The following CEP131 variants were observed in gnomAD, a reference collection of about 807,000 sequenced individuals.
The protein encoded by CEP131 is centrosomal protein of 131 kDa.
CEP131 carries 99 observed loss-of-function variants against 136.8 expected under a neutral mutation model. The observed-to-expected ratio is 0.72, with a 90% CI of 0.62 to 0.86. The LOEUF (loss-of-function observed/expected upper bound fraction) is 0.86. CEP131 is among the 40% of genes least tolerant of loss of function. The pLI is 0.00. For missense variants in CEP131, 1,459 were observed against 1,463.0 expected, an observed-to-expected ratio of 1.00 and a Z score of 0.04; for synonymous variants, 646 against 612.7, an observed-to-expected ratio of 1.05 and a Z score of -0.80.
intron 2 of CEP131, among the ~76,000 whole-genome samples, chr17:81,213,459 T>C (rs1455275013): frequency 1.3e-5 from 2 of 151,632 alleles, no homozygotes; most frequent in African/African-American, 2.4e-5. Flanking sequence ...CTCAGGAGGC[T>C]GAGATAGGAA....
At chr17:81,220,959 C>T (rs1321722098) in intron 1 of CEP131, among the ~76,000 whole-genome samples, 1 of 151,412 alleles carries the variant, frequency 6.6e-6, no homozygotes, top group Non-Finnish European at 1.5e-5. Flanking sequence ...CCCACCTCTA[C>T]TAAAAACTTC....
At chr17:81,210,892 A>G (rs963784140) in intron 2 of CEP131, among the ~76,000 whole-genome samples, 7 of 151,870 alleles carry the variant, frequency 4.6e-5, no homozygotes, top group Non-Finnish European at 1.0e-4. Flanking sequence ...GGACACCCCA[A>G]TCACTTGTTA....
In CEP131 at chr17:81,197,826, G is replaced by A. The variant is rs139968262; in HGVS notation, c.1533C>T (p.Phe511=). ...GCGTCCCATCCTCAGGAGGTTCGGG[G>A]AACGCACTGAGTTTTCCAAATTTCT... ...NLEKFGKLSA[F]PEPPEDGTLL... The change falls in exon 13 of 26, where the codon TTC becomes TTT. Residue 511 remains phenylalanine (F), a synonymous_variant. Transcript: ENST00000450824. The A allele has an allele frequency of 1.3e-4, 206 of 1,613,258 alleles. 1 individual carries two copies. In the African/African-American group the frequency reaches 2.6e-3, roughly 21 times the overall value.
Position 81,199,511 on chromosome 17 carries a change from C to T in CEP131, c.1062G>A (p.Ala354=), listed in dbSNP as rs867688843. 17 of 1,608,300 alleles carry T rather than the reference C, an allele frequency of 1.1e-5. No individual in the cohort carries two copies. In the Middle Eastern group the frequency reaches 2.4e-3, roughly 224 times the overall value. ...CAGGTGGCCCACGCTCGGCAGTGCTCGCCTTCTGGGCTCTCAGGGCTCGTT... is the reference window on the plus strand; with the variant it reads ...CAGGTGGCCCACGCTCGGCAGTGCTTGCCTTCTGGGCTCTCAGGGCTCGTT... ...QQKRALRAQK[A]STAERGPPEN... The change falls in exon 10 of 26, where the codon GCG becomes GCA. Residue 354 remains alanine (A), a synonymous_variant. Coordinates refer to ENST00000450824, the MANE Select transcript of CEP131 (RefSeq NM_014984.4).
At position 81,191,469 on chromosome 17, in the gene CEP131, CCT is replaced by C. The variant is rs369508427; in HGVS notation, c.2623-136_2623-135del. 5.4e-4 allele frequency: 433 copies of C among 798,134 alleles called. 1 individual carries two copies. Among genetic ancestry groups the C allele is most frequent in the East Asian group, 2.1e-3 (86 of 40,686 alleles). The allele number at this position is 798,134 out of a possible 1,614,324, so 49.4% of individuals were successfully genotyped here. ...AAGGGGCCTTCCCCCTCTCCAGACC[CCT>C]GTCCAGGGGTGCGCTACGTCCTGTT... On this transcript the variant is annotated intron_variant, in intron 21 of 25. Coordinates refer to ENST00000450824, the MANE Select transcript of CEP131 (RefSeq NM_014984.4).
chr17:81,202,161 T>TGTGG, intron 7 of CEP131, 79 bp downstream of exon 7: 5 of 546,318 alleles, frequency 9.2e-6, no homozygotes, highest in Non-Finnish European at 1.4e-5. Flanking sequence ...CTCGGAGGTG[T>TGTGG]GAGCCCCCCA....
rs200702222 is a variant in CEP131 at position 81,198,129 on chromosome 17, C to T, written c.1456G>A (p.Ala486Thr). 5.1e-6 allele frequency: 8 copies of T among 1,567,868 alleles called. No individual in the cohort carries two copies. Among genetic ancestry groups the T allele is most frequent in the East Asian group, 2.4e-5 (1 of 42,482 alleles). Reference protein sequence around the residue: ...RPRTHHRGRYAWASEEDDASS... With the variant: ...RPRTHHRGRYTWASEEDDASS... ...ACCGTGGTCACCTCGCTGGCCCAGG[C>T]GTATCTGCCCCTGTGATGGGTCCTG... is the stretch of plus-strand genomic sequence containing the variant. Residue 486 changes from alanine (A) to threonine (T), a missense_variant, in exon 12 of 26, where the codon GCC becomes ACC. Physicochemically the swap from Ala to Thr is moderately conservative, Grantham distance 58. Coordinates refer to ENST00000450824, the MANE Select transcript of CEP131 (RefSeq NM_014984.4).
intron 2 of CEP131, among the ~76,000 whole-genome samples, chr17:81,210,903 C>A (rs1452860628): frequency 6.6e-6 from 1 of 150,980 alleles, no homozygotes; most frequent in Non-Finnish European, 1.5e-5. Flanking sequence ...TCACTTGTTA[C>A]GGGCATTTCC....
In CEP131 at chr17:81,192,407, TAA is replaced by T. The variant is rs780930493; in HGVS notation, c.2548-17_2548-16del. 1.2e-6 allele frequency: 2 copies of T among 1,610,792 alleles called. No individual in the cohort carries two copies. Among genetic ancestry groups the T allele is most frequent in the Non-Finnish European group, 1.7e-6 (2 of 1,179,500 alleles). On this transcript the variant is annotated splice_polypyrimidine_tract_variant and intron_variant, in intron 20 of 25. Coordinates refer to ENST00000450824, the MANE Select transcript of CEP131 (RefSeq NM_014984.4). The stretch of plus-strand genomic sequence containing the variant: ...TTCAGCTCCATCTGGGGGGCGGACA[TAA>T]GAGGCCAGTCAGTCCCACCCCGTGC...
At chr17:81,202,214 C>T (rs370160042) in intron 7 of CEP131, 26 bp downstream of exon 7, 3 of 1,544,618 alleles carry the variant, frequency 1.9e-6, no homozygotes, top group African/African-American at 1.4e-5. Context: ...GCTCAGGCCC[C>T]CCCCCACCGC....
In CEP131 at chr17:81,208,051, ACAC is replaced by A. The variant is rs1392932235; in HGVS notation, c.273-815_273-813del. Among the ~76,000 whole-genome samples, 5 of 127,164 alleles carry A rather than the reference ACAC, an allele frequency of 3.9e-5. No individual in the cohort carries two copies. The highest frequency in any genetic ancestry group is 5.5e-4 in the South Asian group (2 of 3,656). 83.4% of individuals were successfully genotyped at this position (127,164 alleles called of 152,430 possible). On this transcript the variant is annotated intron_variant, in intron 3 of 25. Coordinates refer to ENST00000450824, the MANE Select transcript of CEP131 (RefSeq NM_014984.4). This position sits in a 1 kb window ranked among gnomAD's most constrained non-coding sequence, Gnocchi z 5.6. ...CCCACACACCACACACCCCCCACAC[ACAC>A]CACACTCACACCACACACCCACACA...
chr17:81,204,215 A>C (rs561668653), intron 5 of CEP131: 1 of 152,590 alleles, frequency 6.6e-6, no homozygotes. Flanking sequence ...AGGCATGGAC[A>C]GGCTTTGAGG....
At position 81,203,400 on chromosome 17, in the gene CEP131, G is replaced by A. The variant is rs752131537; in HGVS notation, c.629+94C>T. ...GTAGAACCCTGTGTGAACTGACCGC[G>A]TGCCCTGACCGAGGTCGGACCCCAG... On this transcript the variant is annotated intron_variant, in intron 6 of 25. Transcript: ENST00000450824. The surrounding 1 kb of genome is among the most constrained non-coding windows in gnomAD (Gnocchi z 4.6). 8.0e-5 allele frequency: 79 copies of A among 988,538 alleles called. No individual in the cohort carries two copies. Among genetic ancestry groups the A allele is most frequent in the African/African-American group, 6.7e-4 (42 of 62,452 alleles). 61.2% of individuals were successfully genotyped at this position (988,538 alleles called of 1,614,324 possible).
intron 7 of CEP131, among the ~76,000 whole-genome samples, 198 bp from the exon 8 acceptor site, chr17:81,200,644 C>T (rs2061871148): frequency 6.6e-6 from 1 of 152,228 alleles, no homozygotes; most frequent in South Asian, 2.1e-4. Flanking sequence ...TCCACTAAAA[C>T]CCAAAACCTT....
chr17:81,199,930 A>G (rs2061853041), intron 8 of CEP131, 95 bp from the exon 9 acceptor site: 5 of 1,273,080 alleles, frequency 3.9e-6, no homozygotes, highest in Non-Finnish European at 5.6e-6. Flanking sequence ...GGAGTCCCCT[A>G]GAGTTCGTGG....
chr17:81,195,763 G>A (rs980863187), intron 16 of CEP131, 72 bp downstream of exon 16: 3 of 1,356,776 alleles, frequency 2.2e-6, no homozygotes, highest in African/African-American at 2.9e-5. Flanking sequence ...GTCCTGTTCT[G>A]GGGGCTGTGC....
Position 81,208,476 on chromosome 17 carries a change from A to G in CEP131, c.272+452T>C, listed in dbSNP as rs2146660272. 6.6e-6 allele frequency among the ~76,000 whole-genome samples: 1 copy of G among 152,270 alleles called. No individual in the cohort carries two copies. Among genetic ancestry groups the G allele is most frequent in the Non-Finnish European group, 1.5e-5 (1 of 68,012 alleles). On this transcript the variant is annotated intron_variant, in intron 3 of 25. Transcript: ENST00000450824. The surrounding 1 kb of genome is among the most constrained non-coding windows in gnomAD (Gnocchi z 5.6). ...ACACCCCCACTGGGGCCATTGAGGC[A>G]GCTCCTCCCCAGCCCGCTGGTTTGG...
Position 81,190,998 on chromosome 17 carries a change from A to G in CEP131, c.2852T>C (p.Leu951Pro). 13 of 1,609,022 alleles carry G rather than the reference A, an allele frequency of 8.1e-6. No homozygotes were observed. Among genetic ancestry groups the G allele is most frequent in the Non-Finnish European group, 1.1e-5 (13 of 1,179,896 alleles). ...CTCGGCCTCCCCAAGCTGGCCCTTC[A>G]GCTCCGAGCACCGCTCCTGAAGCTT... is the stretch of plus-strand genomic sequence containing the variant. ...ERKLQERCSE[L>P]KGQLGEAEGE... is the part of the protein sequence containing the mutation. The change falls in exon 23 of 26, where the codon CTG (leucine) becomes CCG (proline). Residue 951 changes from leucine (L) to proline (P), a missense_variant. Coordinates refer to ENST00000450824, the MANE Select transcript of CEP131 (RefSeq NM_014984.4).
At chr17:81,201,575 G>A (rs943767461) in intron 7 of CEP131, among the ~76,000 whole-genome samples, 3 of 152,200 alleles carry the variant, frequency 2.0e-5, no homozygotes, top group African/African-American at 7.2e-5. Flanking sequence ...TTTTACTGAG[G>A]TACAATTTCC....
Sources: gnomAD v4.1 joint callset for allele counts (sites outside exome capture counted in the v4.1 genomes callset) on GRCh38, gnomAD v4.1.1 for gene constraint, Gnocchi (gnomAD v3.1) non-coding constraint, MANE v1.5 for transcripts, NCBI Gene and HGNC (gene_info 2026-07-23, HGNC 2026-07-21) for gene names.